The following STEAP2 variants were observed in gnomAD, a reference collection of about 807,000 sequenced individuals.
STEAP2 encodes metalloreductase STEAP2.
In STEAP2, 30 loss-of-function variants were observed where a neutral mutation model predicts 46.4. The observed-to-expected ratio is 0.65, with a 90% CI of 0.48 to 0.88. The LOEUF (loss-of-function observed/expected upper bound fraction) is 0.88. Among genes scored for constraint, STEAP2 ranks in the 40% least tolerant of loss-of-function variants. STEAP2 has a pLI of 0.00. For missense variants in STEAP2, 513 were observed against 579.3 expected (o/e 0.89, Z 1.18); for synonymous variants, 180 against 200.5 (o/e 0.90, Z 0.86).
intron 1 of STEAP2, 149 bp downstream of exon 1, chr7:90,212,194 G>C (rs1794840008): frequency 6.6e-6 from 1 of 152,414 alleles, no homozygotes; most frequent in Non-Finnish European, 1.5e-5. Flanking sequence ...CTCATCTCCT[G>C]GCACCTTAAG....
chr7:90,229,037 T>C lies in STEAP2; in HGVS notation c.1021-835T>C, dbSNP rs144545522. 2.0e-4 allele frequency among the ~76,000 whole-genome samples: 31 copies of C among 152,310 alleles called. No homozygotes were observed. The East Asian group carries it at 5.8e-3, about 28-fold the overall frequency. On this transcript the variant is annotated intron_variant, in intron 4 of 5. Transcript: ENST00000394621. ...TAAACTGTTGTTAAGTTAGAATCTGTTTTCCATTAATAGATACTTATTTAA... is the reference window on the plus strand; with the variant it reads ...TAAACTGTTGTTAAGTTAGAATCTGCTTTCCATTAATAGATACTTATTTAA...
chr7:90,225,311 A>C lies in STEAP2; in HGVS notation c.229A>C (p.Thr77Pro). 1 of 1,613,966 alleles carries C rather than the reference A, an allele frequency of 6.2e-7. No homozygotes were observed. Among genetic ancestry groups the C allele is most frequent in the Non-Finnish European group, 8.5e-7 (1 of 1,179,950 alleles). Residue 77 changes from threonine to proline, a missense_variant, in exon 3 of 6, where the codon ACT (threonine) becomes CCT (proline). Coordinates refer to ENST00000394621, the MANE Select transcript of STEAP2 (RefSeq NM_001244944.2). ...SEFFPHVVDVTHHEDALTKTN... is the reference protein window; with the variant it reads ...SEFFPHVVDVPHHEDALTKTN... ...ATTTTTTCCTCATGTGGTAGATGTC[A>C]CTCATCATGAAGATGCTCTCACAAA...
Position 90,235,283 on chromosome 7 carries a change from CAG to C in STEAP2, c.*2661_*2662del, listed in dbSNP as rs898226307. On this transcript the variant is annotated 3_prime_UTR_variant, in exon 6 of 6. Coordinates refer to ENST00000394621, the MANE Select transcript of STEAP2 (RefSeq NM_001244944.2). The stretch of plus-strand genomic sequence containing the variant: ...TATCTTCTTTTCAGTACTACAAAAA[CAG>C]AATAATTTTGAAGTTTTAGAATAAA... 4 of 973,394 alleles carry C rather than the reference CAG, an allele frequency of 4.1e-6. No individual in the cohort carries two copies. The highest frequency in any genetic ancestry group is 1.8e-5 in the African/African-American group (1 of 57,040). 60.3% of individuals were successfully genotyped at this position (973,394 alleles called of 1,614,324 possible).
chr7:90,225,702 G>A (rs946820174), intron 3 of STEAP2, 128 bp downstream of exon 3: 3 of 1,077,482 alleles, frequency 2.8e-6, no homozygotes, highest in Non-Finnish European at 2.6e-6. Context: ...TTAATTATGA[G>A]CACCTGAAGA....
chr7:90,224,962 T>G, intron 2 of STEAP2, 88 bp from the exon 3 acceptor site: 1 of 1,152,362 alleles, frequency 8.7e-7, no homozygotes, highest in Non-Finnish European at 1.2e-6. Flanking sequence ...ATATTTTACC[T>G]CTAGAAAGAC....
chr7:90,227,102 C>G lies in STEAP2; in HGVS notation c.624C>G (p.Leu208=), dbSNP rs1215076048. The change falls in exon 4 of 6, where the codon CTC becomes CTG. Residue 208 remains leucine, a synonymous_variant. Transcript: ENST00000394621. Reference sequence around the variant, plus strand: ...AGATTGAAAATTTACCCCTACGACTCTTTACTCTCTGGAGAGGGCCAGTGG... The same window carrying G: ...AGATTGAAAATTTACCCCTACGACTGTTTACTCTCTGGAGAGGGCCAGTGG... ...AREIENLPLR[L]FTLWRGPVVV... The G allele has an allele frequency of 1.5e-5, 24 of 1,613,710 alleles. No homozygotes were observed. Among genetic ancestry groups the G allele is most frequent in the Non-Finnish European group, 2.0e-5 (24 of 1,179,856 alleles).
chr7:90,232,715 T>C lies in STEAP2; in HGVS notation c.*91T>C. 1 of 1,410,494 alleles carries C rather than the reference T, an allele frequency of 7.1e-7. No homozygotes were observed. The highest frequency in any genetic ancestry group is 2.7e-5 in the Admixed American group (1 of 36,992). The allele number at this position is 1,410,494 out of a possible 1,614,324, so 87.4% of individuals were successfully genotyped here. Reference sequence around the variant, plus strand: ...GTTCAGTTACAAGTATGCTGTCAAATTATCGTGGGTTGAAACTTGTTAAAT... The same window carrying C: ...GTTCAGTTACAAGTATGCTGTCAAACTATCGTGGGTTGAAACTTGTTAAAT... On this transcript the variant is annotated 3_prime_UTR_variant, in exon 6 of 6. Transcript: ENST00000394621.
At chr7:90,224,944 G>A (rs1795414221) in intron 2 of STEAP2, 106 bp from the exon 3 acceptor site, 3 of 898,116 alleles carry the variant, frequency 3.3e-6, no homozygotes, top group Non-Finnish European at 5.1e-6. Context: ...ATGTTAAAGT[G>A]TGGTGAAATA....
At position 90,234,146 on chromosome 7, in the gene STEAP2, G is replaced by C; in HGVS notation, c.*1522G>C. On this transcript the variant is annotated 3_prime_UTR_variant, in exon 6 of 6. Transcript: ENST00000394621. The stretch of plus-strand genomic sequence containing the variant: ...TAGGGAGTACTTTACAAGCATGAAG[G>C]ATATTAGGGTAAGTGGCTAATTATA... 2 of 985,360 alleles carry C rather than the reference G, an allele frequency of 2.0e-6. No homozygotes were observed. Among genetic ancestry groups the C allele is most frequent in the Non-Finnish European group, 2.4e-6 (2 of 829,920 alleles). 61.0% of individuals were successfully genotyped at this position (985,360 alleles called of 1,614,324 possible).
Position 90,236,964 on chromosome 7 carries a change from A to C in STEAP2, c.*4340A>C, listed in dbSNP as rs760077516. 2.5e-6 allele frequency: 4 copies of C among 1,613,884 alleles called. No homozygotes were observed. In the African/African-American group the frequency reaches 4.0e-5, roughly 16 times the overall value. On this transcript the variant is annotated 3_prime_UTR_variant, in exon 6 of 6. Transcript: ENST00000394621. ...GTCTTCCTATTGACTCTACTTCTTT[A>C]AAAGCGGCTGCCCATTACATTCCTC...
Position 90,235,969 on chromosome 7 carries a change from G to C in STEAP2, c.*3345G>C, listed in dbSNP as rs977492997. The C allele has an allele frequency of 2.0e-6, 2 of 983,490 alleles. No individual in the cohort carries two copies. The highest frequency in any genetic ancestry group is 2.4e-6 in the Non-Finnish European group (2 of 828,300). 60.9% of individuals were successfully genotyped at this position (983,490 alleles called of 1,614,324 possible). ...TTTCTTATAAAGCAGCATAACCTTG[G>C]CTTGATTAAGGAATTCTACTTTCAA... On this transcript the variant is annotated 3_prime_UTR_variant, in exon 6 of 6. Coordinates refer to ENST00000394621, the MANE Select transcript of STEAP2 (RefSeq NM_001244944.2).
chr7:90,224,682 T>C (rs1437132889), intron 2 of STEAP2, among the ~76,000 whole-genome samples: 1 of 152,152 alleles, frequency 6.6e-6, no homozygotes, highest in East Asian at 1.9e-4. Flanking sequence ...CAGACCAGCA[T>C]TGGTATTGCT....
chr7:90,226,104 T>G (rs1413437983), intron 3 of STEAP2, among the ~76,000 whole-genome samples: 1 of 152,144 alleles, frequency 6.6e-6, no homozygotes, highest in African/African-American at 2.4e-5. Flanking sequence ...TCTGAATCCT[T>G]TTTTCTCTTT....
downstream of STEAP2, among the ~76,000 whole-genome samples, chr7:90,240,004 G>GT (rs1796042791): frequency 6.6e-6 from 1 of 152,154 alleles, no homozygotes; most frequent in Non-Finnish European, 1.5e-5. This position sits in a 1 kb window ranked among gnomAD's most constrained non-coding sequence, Gnocchi z 4.1. Flanking sequence ...GGGAGCGGTG[G>GT]CTCACGCCTG....
At chr7:90,229,637 C>T (rs182633924) in intron 4 of STEAP2, among the ~76,000 whole-genome samples, 61 of 152,248 alleles carry the variant, frequency 4.0e-4, no homozygotes, top group African/African-American at 1.1e-3. Context: ...TCTATTCTAG[C>T]ACGTATACAA....
In STEAP2 at chr7:90,219,675, G is replaced by GT. The variant is rs910984336; in HGVS notation, c.-34+3080dup. On this transcript the variant is annotated intron_variant, in intron 2 of 5. Transcript: ENST00000394621. ...TCCCCTTTGATCATGATGTGTGTGT[G>GT]TTTTTTTTATGAGTTGTTAGATTTG... 3.3e-5 allele frequency among the ~76,000 whole-genome samples: 5 copies of GT among 151,940 alleles called. No individual in the cohort carries two copies. In the East Asian group the frequency reaches 5.8e-4, roughly 18 times the overall value.
rs764298328 is a variant in STEAP2 at position 90,236,986 on chromosome 7, C to T, written c.*4362C>T. On this transcript the variant is annotated 3_prime_UTR_variant, in exon 6 of 6. Coordinates refer to ENST00000394621, the MANE Select transcript of STEAP2 (RefSeq NM_001244944.2). ...TTTAAAAGCGGCTGCCCATTACATT[C>T]CTCAGCTGTCCTTGCAGTTAGGTGT... 1 of 1,610,516 alleles carries T rather than the reference C, an allele frequency of 6.2e-7. No homozygotes were observed. Among genetic ancestry groups the T allele is most frequent in the Non-Finnish European group, 8.5e-7 (1 of 1,177,134 alleles).
rs562383612 is a variant in STEAP2 at position 90,233,224 on chromosome 7, G to A, written c.*600G>A. On this transcript the variant is annotated 3_prime_UTR_variant, in exon 6 of 6. Coordinates refer to ENST00000394621, the MANE Select transcript of STEAP2 (RefSeq NM_001244944.2). ...CAAATTAAAAAGACAAATTAAACCTGAAATTATATTTAAAATATATTTGAG... is the reference window on the plus strand; with the variant it reads ...CAAATTAAAAAGACAAATTAAACCTAAAATTATATTTAAAATATATTTGAG... The A allele has an allele frequency of 1.1e-6, 1 of 944,020 alleles. No homozygotes were observed. Among genetic ancestry groups the A allele is most frequent in the African/African-American group, 1.8e-5 (1 of 56,344 alleles). 58.5% of individuals were successfully genotyped at this position (944,020 alleles called of 1,614,324 possible).
chr7:90,228,017 T>C (rs1436443132), intron 4 of STEAP2, among the ~76,000 whole-genome samples: 1 of 152,126 alleles, frequency 6.6e-6, no homozygotes, highest in Non-Finnish European at 1.5e-5. Context: ...GACCCTATTA[T>C]TTACAAAGCT....
Sources: allele counts gnomAD v4.1 joint callset (sites outside exome capture counted in the v4.1 genomes callset), GRCh38; gene constraint gnomAD v4.1.1; non-coding constraint Gnocchi (gnomAD v3.1); transcripts MANE v1.5; gene names NCBI Gene and HGNC (gene_info 2026-07-23, HGNC 2026-07-21).